Variants in ZMAT3 observed in about 807,000 individuals in gnomAD.
The protein encoded by ZMAT3 is zinc finger matrin-type protein 3.
Under a neutral mutation model 32.3 loss-of-function variants are expected in ZMAT3, and 17 were observed. The observed-to-expected ratio is 0.53, with a 90% confidence interval of 0.36 to 0.79. ZMAT3 has a LOEUF of 0.79. Among genes scored for constraint, ZMAT3 ranks in the 30% least tolerant of loss-of-function variants. The pLI is 0.00. For missense variants in ZMAT3, 329 were observed against 359.7 expected, an observed-to-expected ratio of 0.91 and a Z score of 0.69; for synonymous variants, 120 against 133.1, an observed-to-expected ratio of 0.90 and a Z score of 0.68.
At chr3:179,034,545 C>T (rs965950151) in intron 2 of ZMAT3, among the ~76,000 whole-genome samples, 4 of 152,190 alleles carry the variant, frequency 2.6e-5, no homozygotes, top group Admixed American at 1.3e-4. Context: ...AGACCTATAG[C>T]TTTCAAATAC....
rs201231832 is a variant in ZMAT3, at chr3:179,071,080, TA to T, written c.-58+514del. ...AAGAAGGAATGAGAGGGAGAAAAGTTAAAAAAAATAATAATAATAATCACTT... is the reference window on the plus strand; with the variant it reads ...AAGAAGGAATGAGAGGGAGAAAAGTTAAAAAAATAATAATAATAATCACTT... On this transcript the variant is annotated intron_variant, in intron 1 of 5. Transcript: ENST00000311417. 1.5e-4 allele frequency among the ~76,000 whole-genome samples: 23 copies of T among 151,746 alleles called. No individual in the cohort carries two copies. The East Asian group carries it at 2.3e-3, about 15-fold the overall frequency.
chr3:179,045,281 C>A (rs1720170266), intron 2 of ZMAT3, among the ~76,000 whole-genome samples: 1 of 152,032 alleles, frequency 6.6e-6, no homozygotes, highest in Admixed American at 6.6e-5. Flanking sequence ...GACCCAGGAA[C>A]TATAGTTCTA....
rs1291420573 is a variant in ZMAT3 at position 179,023,616 on chromosome 3, G to T, written c.*1401C>A. On this transcript the variant is annotated 3_prime_UTR_variant, in exon 6 of 6. Coordinates refer to ENST00000311417, the MANE Select transcript of ZMAT3 (RefSeq NM_022470.4). The stretch of plus-strand genomic sequence containing the variant: ...TTATGGTTTAGATCATGATATAAGC[G>T]CATGTTACTATCAATGAAGTAACTC... 7.3e-6 allele frequency: 1 copy of T among 136,830 alleles called. No homozygotes were observed. The highest frequency in any genetic ancestry group is 2.8e-5 in the African/African-American group (1 of 35,920). The allele number at this position is 136,830 out of a possible 1,614,324, so 8.5% of individuals were successfully genotyped here. A position where few individuals can be genotyped will look rare whatever the true frequency, so the allele number is the denominator to read the frequency against.
At chr3:179,050,531 T>C (rs947957265) in intron 2 of ZMAT3, among the ~76,000 whole-genome samples, 1 of 151,388 alleles carries the variant, frequency 6.6e-6, no homozygotes, top group African/African-American at 2.4e-5. Context: ...CTGAATTCTA[T>C]CAGACATTCA....
At chr3:179,025,421 A>G (rs1718814838) in intron 5 of ZMAT3, among the ~76,000 whole-genome samples, 193 bp from the exon 6 acceptor site, 2 of 152,236 alleles carry the variant, frequency 1.3e-5, no homozygotes, top group South Asian at 4.1e-4. Flanking sequence ...AGATAAAATG[A>G]TTCCTCCAAC....
chr3:179,036,486 G>C (rs1719598488), intron 2 of ZMAT3, among the ~76,000 whole-genome samples: 1 of 152,080 alleles, frequency 6.6e-6, no homozygotes, highest in Non-Finnish European at 1.5e-5. Flanking sequence ...CCTCAAGCAA[G>C]ATAATGGCTA....
chr3:179,045,779 T>C (rs1720201219), intron 2 of ZMAT3, among the ~76,000 whole-genome samples: 1 of 152,208 alleles, frequency 6.6e-6, no homozygotes, highest in Admixed American at 6.5e-5. Flanking sequence ...TACAAATGTT[T>C]ATTATATTTT....
In ZMAT3 at chr3:179,023,711, T is replaced by TATATATATATATATATATATAGATA. The variant is rs57477590; in HGVS notation, c.*1305_*1306insTATCTATATATATATATATATATAT. 6.6e-5 allele frequency: 1 copy of TATATATATATATATATATATAGATA among 15,104 alleles called. No individual in the cohort carries two copies. The highest frequency in any genetic ancestry group is 1.0e-4 in the Non-Finnish European group (1 of 9,970). 0.9% of individuals were successfully genotyped at this position (15,104 alleles called of 1,614,324 possible). A position where few individuals can be genotyped will look rare whatever the true frequency, so the allele number is the denominator to read the frequency against. On this transcript the variant is annotated 3_prime_UTR_variant, in exon 6 of 6. Transcript: ENST00000311417. ...GAAAATATATCTATATATATATATA[T>TATATATATATATATATATATAGATA]TTTTTTTTTTTTTTTTTTTTTTTTT...
At chr3:179,069,263 TCTATTATAATTCCCTCAGAAAAGAC>T in intron 1 of ZMAT3, among the ~76,000 whole-genome samples, 1 of 152,090 alleles carries the variant, frequency 6.6e-6, no homozygotes, top group South Asian at 2.1e-4. Context: ...ACTGATAGTC[TCTATTATAATTCCCTCAGAAAAGAC>T]CCAAAATGTT....
At position 179,046,544 on chromosome 3, in the gene ZMAT3, G is replaced by A. The variant is rs372008284; in HGVS notation, c.271-15545C>T. 1.3e-5 allele frequency among the ~76,000 whole-genome samples: 2 copies of A among 152,198 alleles called. No homozygotes were observed. The highest frequency in any genetic ancestry group is 1.5e-5 in the Non-Finnish European group (1 of 68,034). On this transcript the variant is annotated intron_variant, in intron 2 of 5. Transcript: ENST00000311417. This position sits in a 1 kb window ranked among gnomAD's most constrained non-coding sequence, Gnocchi z 4.3. ...GAGGCGGATTGCCACTGCAGACTCC[G>A]TGGGACAGCTGAGGAACTGAGTCGG...
chr3:179,067,802 C>G lies in ZMAT3; in HGVS notation c.-50G>C. The G allele has an allele frequency of 1.3e-6, 2 of 1,579,644 alleles. No individual in the cohort carries two copies. Among genetic ancestry groups the G allele is most frequent in the Non-Finnish European group, 1.7e-6 (2 of 1,163,920 alleles). ...TCCAGTGGGTGATGAGAAGCAAGGT[C>G]TTCAAATCTGAATCAACAGCAAAAA... On this transcript the variant is annotated 5_prime_UTR_variant, in exon 2 of 6. Coordinates refer to ENST00000311417, the MANE Select transcript of ZMAT3 (RefSeq NM_022470.4).
Position 179,037,410 on chromosome 3 carries a change from G to A in ZMAT3, c.271-6411C>T, listed in dbSNP as rs143012853. On this transcript the variant is annotated intron_variant, in intron 2 of 5. Transcript: ENST00000311417. ...CCCACATTCCCCTCATCTAGACAAC[G>A]ACACCCAATGCAGAAGCTGCTGGCA... 7.2e-5 allele frequency among the ~76,000 whole-genome samples: 11 copies of A among 152,202 alleles called. No individual in the cohort carries two copies. The East Asian group carries it at 2.1e-3, about 29-fold the overall frequency.
At chr3:179,031,934 T>TCCCTCCCCCTCC (rs1560085554) in intron 2 of ZMAT3, among the ~76,000 whole-genome samples, 2 of 5,016 alleles carry the variant, frequency 4.0e-4, no homozygotes, top group African/African-American at 2.3e-3. Flanking sequence ...ACTCTCCCTC[T>TCCCTCCCCCTCC]CCCTCCCCCT....
Position 179,067,679 on chromosome 3 carries a change from G to A in ZMAT3, c.74C>T (p.Thr25Ile). The change falls in exon 2 of 6, where the codon ACC (threonine) becomes ATC (isoleucine). Residue 25 changes from threonine (T) to isoleucine (I), a missense_variant. Transcript: ENST00000311417. ...AAGCTGCAAGGTTCCTGTAGACCTGGTGGCCACTGACATAGGAGGCGAGGG... is the reference window on the plus strand; with the variant it reads ...AAGCTGCAAGGTTCCTGTAGACCTGATGGCCACTGACATAGGAGGCGAGGG... The part of the protein sequence containing the change: ...PSPSPPMSVA[T>I]RSTGTLQLPP... The A allele has an allele frequency of 6.2e-7, 1 of 1,614,200 alleles. No individual in the cohort carries two copies. The highest frequency in any genetic ancestry group is 8.5e-7 in the Non-Finnish European group (1 of 1,180,042).
rs534963748 is a variant in ZMAT3 at position 179,054,310 on chromosome 3, T to C, written c.270+13173A>G. ...ATCATCCTCCTCATCATCATCTCCTTCTTCATGAGGCAGAGAAGGGTTAGG... is the reference window on the plus strand; with the variant it reads ...ATCATCCTCCTCATCATCATCTCCTCCTTCATGAGGCAGAGAAGGGTTAGG... On this transcript the variant is annotated intron_variant, in intron 2 of 5. Transcript: ENST00000311417. 5.9e-5 allele frequency among the ~76,000 whole-genome samples: 9 copies of C among 152,270 alleles called. No homozygotes were observed. The South Asian group carries it at 1.9e-3, about 32-fold the overall frequency.
chr3:179,024,926 G>A lies in ZMAT3; in HGVS notation c.*91C>T. ...ATGTATTAACATTAAGCAGAGGAATGTACTCATATCAAAAAGACCACAAAG... is the reference window on the plus strand; with the variant it reads ...ATGTATTAACATTAAGCAGAGGAATATACTCATATCAAAAAGACCACAAAG... On this transcript the variant is annotated 3_prime_UTR_variant, in exon 6 of 6. Transcript: ENST00000311417. 8.6e-7 allele frequency: 1 copy of A among 1,159,952 alleles called. No homozygotes were observed. Among genetic ancestry groups the A allele is most frequent in the East Asian group, 2.7e-5 (1 of 37,698 alleles). 71.9% of individuals were successfully genotyped at this position (1,159,952 alleles called of 1,614,324 possible). A position where few individuals can be genotyped will look rare whatever the true frequency, so the allele number is the denominator to read the frequency against.
At chr3:179,064,091 C>A (rs956481622) in intron 2 of ZMAT3, among the ~76,000 whole-genome samples, 1 of 152,208 alleles carries the variant, frequency 6.6e-6, no homozygotes, top group African/African-American at 2.4e-5. Context: ...CTAGTGTAAC[C>A]ACCATTGTTT....
intron 2 of ZMAT3, among the ~76,000 whole-genome samples, chr3:179,043,102 T>C (rs1720042360): frequency 6.6e-6 from 1 of 152,204 alleles, no homozygotes; most frequent in Admixed American, 6.5e-5. Flanking sequence ...GAACATTCCA[T>C]GCTCATGAAC....
chr3:179,021,578 C>T lies in ZMAT3; in HGVS notation c.*3439G>A, dbSNP rs1560080030. The T allele has an allele frequency of 6.6e-6, 1 of 151,920 alleles. No individual in the cohort carries two copies. The highest frequency in any genetic ancestry group is 2.4e-5 in the African/African-American group (1 of 41,340). The allele number at this position is 151,920 out of a possible 1,614,324, so 9.4% of individuals were successfully genotyped here. ...TTTTTGTTGTTGTTGTGGTTTAGGCCTCTGTCCATCCTTGAAGACAGCATA... is the reference window on the plus strand; with the variant it reads ...TTTTTGTTGTTGTTGTGGTTTAGGCTTCTGTCCATCCTTGAAGACAGCATA... On this transcript the variant is annotated 3_prime_UTR_variant, in exon 6 of 6. Coordinates refer to ENST00000311417, the MANE Select transcript of ZMAT3 (RefSeq NM_022470.4).
Sources: allele counts gnomAD v4.1 joint callset (sites outside exome capture counted in the v4.1 genomes callset), GRCh38; gene constraint gnomAD v4.1.1; non-coding constraint Gnocchi (gnomAD v3.1); transcripts MANE v1.5; gene names NCBI Gene and HGNC (gene_info 2026-07-23, HGNC 2026-07-21).